Variants in ITGAE observed in about 807,000 individuals in gnomAD.
ITGAE encodes the protein integrin subunit alpha E.
In ITGAE, 99 loss-of-function variants were observed where a neutral mutation model predicts 136.5. That is an observed-to-expected ratio of 0.73 (90% CI 0.62 to 0.86). ITGAE has a LOEUF of 0.86. ITGAE is among the 40% of genes least tolerant of loss of function. The pLI is 0.00. For synonymous variants in ITGAE, 613 were observed against 591.8 expected (o/e 1.04, Z -0.52); for missense variants, 1,447 against 1,515.3 (o/e 0.95, Z 0.75).
intron 12 of ITGAE, 26 bp downstream of exon 12, chr17:3,755,091 C>T (rs2051982029): frequency 6.4e-7 from 1 of 1,571,534 alleles, no homozygotes; most frequent in Non-Finnish European, 8.6e-7. Context: ...GGTGGCCCCG[C>T]CCTCATCAGG....
intron 29 of ITGAE, 104 bp from the exon 30 acceptor site, chr17:3,716,902 C>T (rs778065461): frequency 1.1e-4 from 71 of 666,680 alleles, no homozygotes; most frequent in Non-Finnish European, 1.7e-4. Flanking sequence ...GGCAACAACC[C>T]GTGTATTGAT....
chr17:3,758,095 G>A (rs1311147260), intron 8 of ITGAE, among the ~76,000 whole-genome samples: 1 of 152,170 alleles, frequency 6.6e-6, no homozygotes, highest in Non-Finnish European at 1.5e-5. Context: ...CTGCCTGGCA[G>A]TCCATTCCTC....
At chr17:3,723,831 C>G in intron 26 of ITGAE, 87 bp from the exon 27 acceptor site, 4 of 1,551,614 alleles carry the variant, frequency 2.6e-6, no homozygotes, top group Non-Finnish European at 3.5e-6. Context: ...TGGCGAGGTG[C>G]GCATGCGCAG....
rs760752174 is a variant in ITGAE at position 3,757,852 on chromosome 17, T to C, written c.874A>G (p.Ile292Val). ...CTGGAGCCGTGGCTTGAGGTGAAGA[T>C]GCTGTCTCTAAGCAGGGGAGAGTAA... ...ASAMQHVLDS[I>V]FTSSHGSRRK... The change falls in exon 9 of 31, where the codon ATC (isoleucine) becomes GTC (valine). Residue 292 changes from isoleucine (I) to valine (V), a missense_variant. By Grantham distance (29) the Ile-to-Val change is conservative. This residue lies in a region of ITGAE where 310 missense variants were observed against 416.1 expected (regional missense o/e 0.74). Transcript: ENST00000263087. 3 of 1,614,032 alleles carry C rather than the reference T, an allele frequency of 1.9e-6. No homozygotes were observed. In the African/African-American group the frequency reaches 4.0e-5, roughly 22 times the overall value.
At chr17:3,746,496 C>T (rs2051717931) in intron 17 of ITGAE, among the ~76,000 whole-genome samples, 1 of 151,392 alleles carries the variant, frequency 6.6e-6, no homozygotes, top group Admixed American at 6.6e-5. Flanking sequence ...CTCGCTGTCA[C>T]CCAGGCTGGA....
intron 1 of ITGAE, among the ~76,000 whole-genome samples, chr17:3,788,456 ATTTT>A (rs71155804): frequency 9.7e-6 from 1 of 103,260 alleles, no homozygotes; most frequent in Non-Finnish European, 2.0e-5. Context: ...GACCTGACTA[ATTTT>A]TTTTTTTTTT....
chr17:3,748,596 AAC>A (rs1197446818), intron 16 of ITGAE, among the ~76,000 whole-genome samples: 9 of 152,164 alleles, frequency 5.9e-5, no homozygotes, highest in African/African-American at 2.2e-4. Context: ...CAACAACAAC[AAC>A]AAAAATACGG....
intron 26 of ITGAE, chr17:3,724,988 C>T (rs1430442609): frequency 4.3e-6 from 7 of 1,614,072 alleles, no homozygotes; most frequent in Non-Finnish European, 2.5e-6. Context: ...CCTCTCTCCT[C>T]CATTCCCACC....
intron 15 of ITGAE, 131 bp from the exon 16 acceptor site, chr17:3,750,613 G>T: frequency 9.3e-7 from 1 of 1,071,996 alleles, no homozygotes; most frequent in East Asian, 2.6e-5. Flanking sequence ...TCTAGAACCA[G>T]GAAAGAGGGA....
intron 26 of ITGAE, 40 bp from the exon 27 acceptor site, chr17:3,723,784 A>T (rs1366283234): frequency 3.7e-6 from 6 of 1,600,418 alleles, no homozygotes; most frequent in Non-Finnish European, 3.4e-6. Flanking sequence ...TGAACAAACC[A>T]AGCCGCCAGT....
chr17:3,776,672 C>T (rs2052547937), intron 2 of ITGAE, among the ~76,000 whole-genome samples: 1 of 152,192 alleles, frequency 6.6e-6, no homozygotes. Context: ...GTCCTCCTGC[C>T]TCAGCCTCCC....
intron 8 of ITGAE, among the ~76,000 whole-genome samples, chr17:3,758,234 G>C (rs1256292857): frequency 6.6e-6 from 1 of 152,114 alleles, no homozygotes; most frequent in African/African-American, 2.4e-5. Context: ...AATCTATCAG[G>C]CAAGTGCTAT....
intron 19 of ITGAE, 22 bp downstream of exon 19, chr17:3,743,467 T>G (rs1237581897): frequency 6.4e-7 from 1 of 1,568,756 alleles, no homozygotes; most frequent in Admixed American, 2.1e-5. Flanking sequence ...GAGGGCTGGG[T>G]ACTGGCTGTG....
chr17:3,743,752 G>A, intron 18 of ITGAE, 135 bp from the exon 19 acceptor site: 2 of 892,992 alleles, frequency 2.2e-6, no homozygotes, highest in African/African-American at 1.9e-5. Flanking sequence ...GCCCAGGCTG[G>A]AGTGCAGTGG....
intron 16 of ITGAE, 104 bp from the exon 17 acceptor site, chr17:3,748,156 C>T: frequency 8.5e-7 from 1 of 1,180,988 alleles, no homozygotes; most frequent in Non-Finnish European, 1.2e-6. Flanking sequence ...CAAACATGCC[C>T]ACATCCAGGT....
rs143089901 is a variant in ITGAE, at chr17:3,725,252, C to G, written c.3085-1508G>C. 56 of 1,614,208 alleles carry G rather than the reference C, an allele frequency of 3.5e-5. No individual in the cohort carries two copies. The African/African-American group carries it at 7.2e-4, about 21-fold the overall frequency. On this transcript the variant is annotated intron_variant, in intron 26 of 30. Transcript: ENST00000263087. ...GTGCTCCGTCCTCTTGGCACTCCTC[C>G]TCTATGTATTTGCTAAGCCCCTTAA...
At chr17:3,743,422 G>A in intron 19 of ITGAE, 67 bp downstream of exon 19, 29 of 1,491,704 alleles carry the variant, frequency 1.9e-5, no homozygotes, top group Non-Finnish European at 2.6e-5. Context: ...TTGGAAGTTA[G>A]GGGAGCAGGT....
In ITGAE at chr17:3,780,036, C is replaced by T. The variant is rs569968680; in HGVS notation, c.35-2376G>A. ...TTGCCCAGGCTGGAGTGCAGTGGCACGATCTCGGCTCACCGCAACCTCTGC... is the reference window on the plus strand; with the variant it reads ...TTGCCCAGGCTGGAGTGCAGTGGCATGATCTCGGCTCACCGCAACCTCTGC... On this transcript the variant is annotated intron_variant, in intron 1 of 30. Coordinates refer to ENST00000263087, the MANE Select transcript of ITGAE (RefSeq NM_002208.5). 9.5e-4 allele frequency among the ~76,000 whole-genome samples: 145 copies of T among 152,124 alleles called. 1 individual carries two copies. Among genetic ancestry groups the T allele is most frequent in the African/African-American group, 3.3e-3 (139 of 41,518 alleles).
intron 3 of ITGAE, 64 bp from the exon 4 acceptor site, chr17:3,762,046 A>T: frequency 7.1e-7 from 1 of 1,418,000 alleles, no homozygotes; most frequent in Non-Finnish European, 9.9e-7. Context: ...CCCGAAGCCA[A>T]GGTCAGAGGG....
Sources: gnomAD v4.1 joint callset for allele counts (sites outside exome capture counted in the v4.1 genomes callset) on GRCh38, gnomAD v4.1.1 for gene constraint, gnomAD v4.1.1 regional missense constraint, MANE v1.5 for transcripts, NCBI Gene and HGNC (gene_info 2026-07-23, HGNC 2026-07-21) for gene names.